The following TMEM62 variants were observed in gnomAD, a reference collection of about 807,000 sequenced individuals.
TMEM62 encodes the protein transmembrane protein 62.
A neutral mutation model predicts 70.4 loss-of-function variants in TMEM62; 41 were observed. The observed-to-expected ratio is 0.58, with a 90% confidence interval of 0.45 to 0.76. The LOEUF (loss-of-function observed/expected upper bound fraction) is 0.76, where lower values mean the gene tolerates loss of function less well. Among genes scored for constraint, TMEM62 ranks in the 30% least tolerant of loss-of-function variants. The pLI is 0.00. For missense variants in TMEM62, 688 were observed against 788.5 expected (o/e 0.87, Z 1.53); for synonymous variants, 268 against 291.0 (o/e 0.92, Z 0.80).
chr15:43,148,913 T>C (rs2037018338), intron 6 of TMEM62, 34 bp downstream of exon 6: 1 of 1,602,430 alleles, frequency 6.2e-7, no homozygotes, highest in African/African-American at 1.3e-5. Context: ...AATTAATTTG[T>C]TTTTAGTTTT....
At chr15:43,181,065 C>T in intron 12 of TMEM62, 116 bp from the exon 13 acceptor site, 1 of 721,564 alleles carries the variant, frequency 1.4e-6, no homozygotes. Flanking sequence ...AAATAAAATG[C>T]TTATAGATGG....
chr15:43,162,437 T>A (rs902977051), intron 10 of TMEM62, among the ~76,000 whole-genome samples: 1 of 149,788 alleles, frequency 6.7e-6, no homozygotes, highest in Admixed American at 6.6e-5. Context: ...CTGGCCCTTT[T>A]TTTTTTTTTG....
chr15:43,134,104 C>T, intron 1 of TMEM62, 122 bp downstream of exon 1: 1 of 1,426,168 alleles, frequency 7.0e-7, no homozygotes, highest in South Asian at 1.4e-5. Context: ...TAACTCGAGG[C>T]TCTGTCTAGT....
intron 12 of TMEM62, 81 bp from the exon 13 acceptor site, chr15:43,181,100 C>A: frequency 1.1e-6 from 1 of 912,592 alleles, no homozygotes; most frequent in Non-Finnish European, 1.8e-6. Flanking sequence ...CTGCTTTATT[C>A]CTATAAATGT....
At chr15:43,143,164 C>T (rs879779079) in intron 4 of TMEM62, among the ~76,000 whole-genome samples, 3 of 151,784 alleles carry the variant, frequency 2.0e-5, no homozygotes, top group African/African-American at 7.3e-5. Flanking sequence ...CTGGTTCAAG[C>T]GAGTCTCCTG....
intron 4 of TMEM62, chr15:43,146,219 G>T: frequency 3.6e-6 from 1 of 274,850 alleles, no homozygotes; most frequent in South Asian, 1.2e-4. Flanking sequence ...ATTTCTTTTT[G>T]AACATTTAAT....
chr15:43,138,625 G>C lies in TMEM62; in HGVS notation c.476+6G>C. The C allele has an allele frequency of 6.3e-7, 1 of 1,593,564 alleles. No individual in the cohort carries two copies. Among genetic ancestry groups the C allele is most frequent in the Non-Finnish European group, 8.6e-7 (1 of 1,165,642 alleles). ...AGCATCAAGAATTATTACAGGTACTGTAATAAACAGAAGACAGACCACTAT... is the reference window on the plus strand; with the variant it reads ...AGCATCAAGAATTATTACAGGTACTCTAATAAACAGAAGACAGACCACTAT... On this transcript the variant is annotated splice_donor_region_variant and intron_variant, in intron 4 of 13. Transcript: ENST00000260403.
At chr15:43,151,332 AAAAAAG>A (rs2037354759) in intron 7 of TMEM62, among the ~76,000 whole-genome samples, 2 of 151,962 alleles carry the variant, frequency 1.3e-5, no homozygotes, top group Non-Finnish European at 2.9e-5. Context: ...AAAAAAAAAA[AAAAAAG>A]AAAGAAAGGT....
chr15:43,171,688 C>A (rs968345286), intron 11 of TMEM62, among the ~76,000 whole-genome samples: 1 of 140,954 alleles, frequency 7.1e-6, no homozygotes. Context: ...AGTGCAGTGG[C>A]GCAATCTCAG....
At chr15:43,139,246 A>G (rs1183716175) in intron 4 of TMEM62, among the ~76,000 whole-genome samples, 1 of 152,218 alleles carries the variant, frequency 6.6e-6, no homozygotes, top group Non-Finnish European at 1.5e-5. Flanking sequence ...CCTTGCCCAT[A>G]TAAGTCCAGG....
chr15:43,140,851 G>A (rs142584994), intron 4 of TMEM62, among the ~76,000 whole-genome samples: 5 of 152,286 alleles, frequency 3.3e-5, no homozygotes, highest in South Asian at 2.1e-4. Context: ...CCAAACCCGC[G>A]CCCGGCTTCT....
At chr15:43,154,553 T>C (rs2037807942) in intron 8 of TMEM62, 119 bp from the exon 9 acceptor site, 1 of 789,992 alleles carries the variant, frequency 1.3e-6, no homozygotes, top group African/African-American at 1.8e-5. Context: ...CTCCTGCTGT[T>C]GTACAATATG....
At chr15:43,178,860 C>T (rs1400590836) in intron 12 of TMEM62, 149 bp downstream of exon 12, 13 of 513,724 alleles carry the variant, frequency 2.5e-5, no homozygotes, top group Non-Finnish European at 2.4e-5. Flanking sequence ...AAATAAAGCT[C>T]GTGCCTAACA....
At chr15:43,175,389 T>C (rs1272390134) in intron 11 of TMEM62, among the ~76,000 whole-genome samples, 3 of 152,230 alleles carry the variant, frequency 2.0e-5, no homozygotes, top group South Asian at 2.1e-4. Context: ...CTGTCTTTCA[T>C]TGAGACTAGT....
intron 5 of TMEM62, among the ~76,000 whole-genome samples, chr15:43,147,858 TATC>T (rs2036868455): frequency 6.6e-6 from 1 of 152,200 alleles, no homozygotes. Context: ...GCCCCAGACT[TATC>T]AAATTAAAAA....
Position 43,134,357 on chromosome 15 carries a change from T to A in TMEM62, c.281T>A (p.Val94Asp). 6.2e-7 allele frequency: 1 copy of A among 1,613,592 alleles called. No homozygotes were observed. The highest frequency in any genetic ancestry group is 2.2e-5 in the East Asian group (1 of 44,880). Residue 94 changes from valine to aspartate, a missense_variant, in exon 2 of 14, where the codon GTC (valine) becomes GAC (aspartate). Transcript: ENST00000260403. ...ATTGACATCATTCAACCAGCTCTCG[T>A]CCTAGCAACAGGTAGGGAGGCTTGC... ...ETIDIIQPAL[V>D]LATGDLTDAK...
chr15:43,134,134 G>T, intron 1 of TMEM62, 123 bp from the exon 2 acceptor site: 2 of 1,440,588 alleles, frequency 1.4e-6, no homozygotes, highest in South Asian at 1.3e-5. Context: ...GTCCTTACCT[G>T]GGGGGTTCGT....
At position 43,151,907 on chromosome 15, in the gene TMEM62, T is replaced by G. The variant is rs368439824; in HGVS notation, c.984T>G (p.His328Gln). The change falls in exon 8 of 14, where the codon CAT (histidine) becomes CAG (glutamine). Residue 328 changes from histidine to glutamine, a missense_variant. Physicochemically the swap from His to Gln is conservative, Grantham distance 24. Transcript: ENST00000260403. ...PKSLLYSCGE[H>Q]EPLERLLHST... The stretch of plus-strand genomic sequence containing the variant: ...CACTCCTTTATAGTTGTGGTGAACA[T>G]GAACCACTAGAAAGACTTCTTCACT... The G allele has an allele frequency of 1.2e-6, 2 of 1,613,490 alleles. No individual in the cohort carries two copies. Among genetic ancestry groups the G allele is most frequent in the Admixed American group, 1.7e-5 (1 of 59,930 alleles).
chr15:43,176,401 C>G (rs919434542), intron 11 of TMEM62, among the ~76,000 whole-genome samples: 4 of 152,260 alleles, frequency 2.6e-5, no homozygotes, highest in Non-Finnish European at 4.4e-5. Flanking sequence ...TCCCTGACCC[C>G]TGACCCCCGA....
Sources: gnomAD v4.1 joint callset for allele counts (sites outside exome capture counted in the v4.1 genomes callset) on GRCh38, gnomAD v4.1.1 for gene constraint, MANE v1.5 for transcripts, NCBI Gene and HGNC (gene_info 2026-07-23, HGNC 2026-07-21) for gene names.